Variants in MYRIP observed in about 807,000 individuals in gnomAD.
MYRIP encodes the protein rab effector MyRIP.
Under a neutral mutation model 98.0 loss-of-function variants are expected in MYRIP, and 49 were observed. The ratio of observed to expected loss-of-function variants is 0.50; its 90% CI spans 0.40 to 0.63. The LOEUF (loss-of-function observed/expected upper bound fraction) is 0.63. Ranked by LOEUF, MYRIP falls within the 30% of genes least tolerant of loss-of-function variation. MYRIP has a pLI of 0.00. For synonymous variants in MYRIP, 404 were observed against 409.5 expected (o/e 0.99, Z 0.16); for missense variants, 1,004 against 1,058.2 (o/e 0.95, Z 0.71).
At chr3:40,204,128 TATATAATATA>T (rs1951707973) in intron 10 of MYRIP, among the ~76,000 whole-genome samples, 1 of 38,160 alleles carries the variant, frequency 2.6e-5, no homozygotes, top group African/African-American at 8.3e-5. Context: ...TATAGAGTAT[TATATAATATA>T]TTATATAATA....
In MYRIP at chr3:40,179,446, C is replaced by T. The variant is rs887313238; in HGVS notation, c.874-2774C>T. ...TTTGCAGAGAATGGGGGAGAATTTC[C>T]GTCCCATAAAAAAGGACCCCAGCCA... is the stretch of plus-strand genomic sequence containing the variant. On this transcript the variant is annotated intron_variant, in intron 8 of 16. Transcript: ENST00000302541. 3.9e-5 allele frequency among the ~76,000 whole-genome samples: 6 copies of T among 152,284 alleles called. No individual in the cohort carries two copies. The East Asian group carries it at 7.7e-4, about 20-fold the overall frequency.
chr3:40,188,566 T>G (rs1575608950), intron 9 of MYRIP, among the ~76,000 whole-genome samples: 1 of 150,678 alleles, frequency 6.6e-6, no homozygotes, highest in Non-Finnish European at 1.5e-5. Flanking sequence ...TCACCTGAGG[T>G]CAGGAGTTCG....
At chr3:39,985,689 G>C (rs1406714733) in intron 2 of MYRIP, among the ~76,000 whole-genome samples, 5 of 149,690 alleles carry the variant, frequency 3.3e-5, no homozygotes, top group Admixed American at 6.6e-5. Flanking sequence ...ACAAACCTGA[G>C]AAAAACAAGC....
chr3:40,119,219 C>A (rs576506319), intron 3 of MYRIP, among the ~76,000 whole-genome samples: 1 of 152,050 alleles, frequency 6.6e-6, no homozygotes, highest in Non-Finnish European at 1.5e-5. Context: ...GTTCCTATTT[C>A]TCCACATCCT....
At chr3:39,992,964 T>A (rs1946216531) in intron 2 of MYRIP, among the ~76,000 whole-genome samples, 1 of 152,242 alleles carries the variant, frequency 6.6e-6, no homozygotes, top group Non-Finnish European at 1.5e-5. Context: ...TCTTGGACTC[T>A]GTGGTCCATC....
intron 2 of MYRIP, among the ~76,000 whole-genome samples, chr3:39,962,870 T>A (rs867238984): frequency 1.3e-5 from 2 of 152,134 alleles, no homozygotes; most frequent in Non-Finnish European, 2.9e-5. Context: ...TTCACTTGAC[T>A]TGCAGACAGT....
At chr3:39,963,412 CT>C (rs1328038146) in intron 2 of MYRIP, among the ~76,000 whole-genome samples, 1 of 152,132 alleles carries the variant, frequency 6.6e-6, no homozygotes, top group African/African-American at 2.4e-5. Context: ...CATCCATCAT[CT>C]CATTTATTCA....
intron 2 of MYRIP, among the ~76,000 whole-genome samples, chr3:39,905,298 G>T (rs574544333): frequency 5.3e-5 from 8 of 152,038 alleles, no homozygotes; most frequent in Non-Finnish European, 8.8e-5. Flanking sequence ...AGACCTCCTG[G>T]CATGACCTTC....
chr3:40,023,058 G>T (rs1357436554), intron 2 of MYRIP, among the ~76,000 whole-genome samples: 1 of 152,098 alleles, frequency 6.6e-6, no homozygotes, highest in African/African-American at 2.4e-5. Context: ...ACTCCTCGAT[G>T]GGGGAATATA....
At chr3:40,219,810 T>A (rs1300118666) in intron 11 of MYRIP, among the ~76,000 whole-genome samples, 1 of 151,856 alleles carries the variant, frequency 6.6e-6, no homozygotes, top group Admixed American at 6.6e-5. Flanking sequence ...TGCATGTGTC[T>A]TTATAGCAGC....
At chr3:40,010,433 G>C (rs1946736675) in intron 2 of MYRIP, among the ~76,000 whole-genome samples, 1 of 152,114 alleles carries the variant, frequency 6.6e-6, no homozygotes, top group South Asian at 2.1e-4. Context: ...AGAGGTGCCG[G>C]GTAGCAGTAA....
intron 2 of MYRIP, among the ~76,000 whole-genome samples, chr3:39,951,307 C>T (rs1031222980): frequency 5.9e-5 from 9 of 152,222 alleles, no homozygotes; most frequent in Admixed American, 1.3e-4. Flanking sequence ...ACAAACTACA[C>T]TGTCCCAAGA....
At position 40,218,631 on chromosome 3, in the gene MYRIP, TA is replaced by T. The variant is rs1240808088; in HGVS notation, c.1905+8539del. ...TATATTTTATATATATATATATATA[TA>T]TATATATATATATATATATATATAC... is the stretch of plus-strand genomic sequence containing the variant. On this transcript the variant is annotated intron_variant, in intron 11 of 16. Coordinates refer to ENST00000302541, the MANE Select transcript of MYRIP (RefSeq NM_015460.4). Among the ~76,000 whole-genome samples, 33 of 13,914 alleles carry T rather than the reference TA, an allele frequency of 2.4e-3. 1 individual carries two copies. In the East Asian group the frequency reaches 0.038, roughly 16 times the overall value. 9.1% of individuals were successfully genotyped at this position (13,914 alleles called of 152,430 possible). A position where few individuals can be genotyped will look rare whatever the true frequency, so the allele number is the denominator to read the frequency against.
At chr3:39,977,671 CAAG>C (rs1945790827) in intron 2 of MYRIP, among the ~76,000 whole-genome samples, 1 of 152,132 alleles carries the variant, frequency 6.6e-6, no homozygotes, top group Non-Finnish European at 1.5e-5. Context: ...GTAGAACAAA[CAAG>C]GAGCAAATAT....
rs1469493871 is a variant in MYRIP, at chr3:40,233,909, C to A, written c.1956C>A (p.Val652=). ...LCNISTEVLK[V]INATEELIAG... ...ACATCTCCACAGAAGTCCTGAAAGT[C>A]ATCAATGCCACAGAGGAGTTGATAG... The change falls in exon 12 of 17, where the codon GTC becomes GTA. Residue 652 remains valine, a synonymous_variant. Coordinates refer to ENST00000302541, the MANE Select transcript of MYRIP (RefSeq NM_015460.4). 6.2e-7 allele frequency: 1 copy of A among 1,613,562 alleles called. No individual in the cohort carries two copies. Among genetic ancestry groups the A allele is most frequent in the Admixed American group, 1.7e-5 (1 of 59,874 alleles).
At chr3:39,825,026 T>C (rs1430944246) in intron 1 of MYRIP, among the ~76,000 whole-genome samples, 1 of 152,226 alleles carries the variant, frequency 6.6e-6, no homozygotes, top group Non-Finnish European at 1.5e-5. Context: ...GCCAGTGCTA[T>C]TGATTCTTGC....
chr3:40,045,671 T>C (rs114602079), intron 3 of MYRIP, among the ~76,000 whole-genome samples: 290 of 152,294 alleles, frequency 1.9e-3, no homozygotes, highest in African/African-American at 6.5e-3. Context: ...TAGATCTAAA[T>C]AGGCATTACA....
chr3:40,175,866 A>G (rs1172073975), intron 8 of MYRIP, among the ~76,000 whole-genome samples: 1 of 152,258 alleles, frequency 6.6e-6, no homozygotes, highest in Non-Finnish European at 1.5e-5. Flanking sequence ...ACCCTGGCCA[A>G]AGCCACTGTA....
chr3:40,017,514 A>G (rs527679921), intron 2 of MYRIP, among the ~76,000 whole-genome samples: 1 of 152,196 alleles, frequency 6.6e-6, no homozygotes, highest in South Asian at 2.1e-4. Flanking sequence ...TATTCTTTTG[A>G]ACATCTAATT....
Sources: allele counts gnomAD v4.1 joint callset (sites outside exome capture counted in the v4.1 genomes callset), GRCh38; gene constraint gnomAD v4.1.1; transcripts MANE v1.5; gene names NCBI Gene and HGNC (gene_info 2026-07-23, HGNC 2026-07-21).